Variants in SUGCT observed in about 807,000 individuals in gnomAD.
SUGCT encodes the protein succinyl-CoA:glutarate-CoA transferase.
In SUGCT, 41 loss-of-function variants were observed where a neutral mutation model predicts 55.0. The observed-to-expected ratio is 0.74, with a 90% confidence interval of 0.58 to 0.97. The LOEUF is 0.97. Ranked by LOEUF, SUGCT falls within the 50% of genes least tolerant of loss-of-function variation. The pLI, the probability that SUGCT is intolerant of heterozygous loss-of-function variation, is 0.00. For missense variants in SUGCT, 568 were observed against 547.8 expected, an observed-to-expected ratio of 1.04 and a Z score of -0.37; for synonymous variants, 187 against 200.4, an observed-to-expected ratio of 0.93 and a Z score of 0.56.
intron 8 of SUGCT, among the ~76,000 whole-genome samples, chr7:40,287,473 T>C (rs1309395828): frequency 6.6e-6 from 1 of 151,792 alleles, no homozygotes; most frequent in Non-Finnish European, 1.5e-5. Flanking sequence ...TTATGTATGA[T>C]GTAACTGTGT....
intron 9 of SUGCT, among the ~76,000 whole-genome samples, chr7:40,393,683 A>C (rs1051724208): frequency 6.6e-6 from 1 of 152,128 alleles, no homozygotes; most frequent in Non-Finnish European, 1.5e-5. Flanking sequence ...AGTGAGTCCG[A>C]AGTCTGGAAT....
intron 12 of SUGCT, among the ~76,000 whole-genome samples, chr7:40,617,508 T>C (rs564213411): frequency 3.3e-4 from 50 of 150,404 alleles, no homozygotes; most frequent in Non-Finnish European, 5.2e-4. Context: ...TGTGTGTGTG[T>C]GTGTGCATGT....
chr7:40,218,994 T>C (rs991536554), intron 6 of SUGCT, among the ~76,000 whole-genome samples: 1 of 152,062 alleles, frequency 6.6e-6, no homozygotes, highest in Non-Finnish European at 1.5e-5. Flanking sequence ...CAATAAGTCT[T>C]GCTACTACTC....
chr7:40,697,096 C>T (rs1226686540), intron 12 of SUGCT, among the ~76,000 whole-genome samples: 1 of 152,182 alleles, frequency 6.6e-6, no homozygotes, highest in Non-Finnish European at 1.5e-5. Context: ...GTAACACACA[C>T]ACACAGCAAA....
chr7:40,629,395 G>C (rs942740051), intron 12 of SUGCT, among the ~76,000 whole-genome samples: 9 of 152,318 alleles, frequency 5.9e-5, no homozygotes, highest in Non-Finnish European at 1.3e-4. Flanking sequence ...GAGACTCTCA[G>C]ATGAAGAGCT....
Position 40,180,967 on chromosome 7 carries a change from T to A in SUGCT, c.121T>A (p.Leu41Met), listed in dbSNP as rs561178672. Reference sequence around the variant, plus strand: ...GCCAGATATGAACAATATAAAGCCATTGGAAGGGGTAAAAATTCTGGATCT... The same window carrying A: ...GCCAGATATGAACAATATAAAGCCAATGGAAGGGGTAAAAATTCTGGATCT... ...PQSDMNNIKP[L>M]EGVKILDLTR... is the part of the protein sequence containing the mutation. The change falls in exon 2 of 14, where the codon TTG (leucine) becomes ATG (methionine). Residue 41 changes from leucine to methionine, a missense_variant. By Grantham distance (15) the Leu-to-Met change is conservative. Coordinates refer to ENST00000335693, the MANE Select transcript of SUGCT (RefSeq NM_001193313.2). 12 of 1,610,384 alleles carry A rather than the reference T, an allele frequency of 7.5e-6. No individual in the cohort carries two copies. The highest frequency in any genetic ancestry group is 1.0e-5 in the Non-Finnish European group (12 of 1,177,046).
At chr7:40,718,908 A>T (rs1014563621) in intron 12 of SUGCT, among the ~76,000 whole-genome samples, 1 of 152,256 alleles carries the variant, frequency 6.6e-6, no homozygotes, top group Non-Finnish European at 1.5e-5. Context: ...AAAATTTAAA[A>T]GCCAGTATGA....
the SUGCT span, among the ~76,000 whole-genome samples, chr7:41,011,988 C>G: frequency 6.6e-6 from 1 of 152,260 alleles, no homozygotes; most frequent in South Asian, 2.1e-4. Context: ...TTCTCTGTTT[C>G]ACTTCATATT....
chr7:40,462,840 A>G (rs558650541), intron 11 of SUGCT, among the ~76,000 whole-genome samples: 2 of 152,198 alleles, frequency 1.3e-5, no homozygotes, highest in South Asian at 4.2e-4. Context: ...CTATTACTTA[A>G]CACATTTGTT....
the SUGCT span, among the ~76,000 whole-genome samples, chr7:40,903,038 T>TTTTC: frequency 0.11 from 12,447 of 111,278 alleles, 685 homozygotes; most frequent in African/African-American, 0.3. Context: ...TTTTCTTTTC[T>TTTTC]TTTTTTTTTT....
the SUGCT span, among the ~76,000 whole-genome samples, chr7:40,947,084 G>A: frequency 9.9e-5 from 15 of 152,038 alleles, no homozygotes; most frequent in Middle Eastern, 3.4e-3. Context: ...TGAGACTTAC[G>A]TTATACATAT....
At chr7:40,561,141 G>T (rs560249458) in intron 12 of SUGCT, among the ~76,000 whole-genome samples, 20 of 152,142 alleles carry the variant, frequency 1.3e-4, no homozygotes, top group Non-Finnish European at 2.8e-4. Context: ...GAGTGGGTAA[G>T]GCCTAATACA....
chr7:40,499,896 C>T (rs963900354), intron 12 of SUGCT, among the ~76,000 whole-genome samples: 3 of 151,916 alleles, frequency 2.0e-5, no homozygotes, highest in Non-Finnish European at 4.4e-5. Flanking sequence ...ATTTAACATA[C>T]CCTTGGGAAC....
the SUGCT span, among the ~76,000 whole-genome samples, chr7:41,037,558 G>C: frequency 6.7e-6 from 1 of 149,942 alleles, no homozygotes; most frequent in African/African-American, 2.5e-5. Flanking sequence ...TTTACTGACA[G>C]AACAGTGAAA....
chr7:40,778,602 G>A (rs1258391577), intron 13 of SUGCT, among the ~76,000 whole-genome samples: 2 of 152,214 alleles, frequency 1.3e-5, no homozygotes, highest in African/African-American at 4.8e-5. Flanking sequence ...AAGGAACCCT[G>A]GCATCCTGCC....
the SUGCT span, among the ~76,000 whole-genome samples, chr7:41,032,097 A>G: frequency 2.0e-5 from 3 of 152,126 alleles, no homozygotes; most frequent in Non-Finnish European, 4.4e-5. Flanking sequence ...CAGGAAATTC[A>G]TATTATTGCC....
chr7:40,669,998 C>T (rs1258077691), intron 12 of SUGCT, among the ~76,000 whole-genome samples: 3 of 151,046 alleles, frequency 2.0e-5, no homozygotes, highest in East Asian at 1.9e-4. Flanking sequence ...CATCATAATA[C>T]TGAAAACTAA....
intron 12 of SUGCT, among the ~76,000 whole-genome samples, chr7:40,529,945 A>G (rs1453651753): frequency 6.6e-6 from 1 of 150,804 alleles, no homozygotes; most frequent in Non-Finnish European, 1.5e-5. Flanking sequence ...CAGTATAAAC[A>G]TAGCTTATTT....
chr7:40,988,372 C>T, the SUGCT span, among the ~76,000 whole-genome samples: 2 of 151,236 alleles, frequency 1.3e-5, no homozygotes, highest in Non-Finnish European at 2.9e-5. Context: ...TGACTTATCC[C>T]TCCTCTCCAG....
Sources: allele counts gnomAD v4.1 joint callset (sites outside exome capture counted in the v4.1 genomes callset), GRCh38; gene constraint gnomAD v4.1.1; transcripts MANE v1.5; gene names NCBI Gene and HGNC (gene_info 2026-07-23, HGNC 2026-07-21).